The following CACNA1E variants were observed in gnomAD, a reference collection of about 807,000 sequenced individuals.
The protein encoded by CACNA1E is voltage-dependent R-type calcium channel subunit alpha-1E.
CACNA1E carries 40 observed loss-of-function variants against 259.2 expected under a neutral mutation model. The ratio of observed to expected loss-of-function variants is 0.15; its 90% CI spans 0.12 to 0.20. CACNA1E has a LOEUF of 0.20. Ranked by LOEUF, CACNA1E falls within the 10% of genes least tolerant of loss-of-function variation. CACNA1E has a pLI of 1.00. For synonymous variants in CACNA1E, 1,104 were observed against 1,138.5 expected (o/e 0.97, Z 0.61); for missense variants, 1,874 against 3,040.1 (o/e 0.62, Z 9.02).
At chr1:181,556,999 A>C (rs1648797086) in intron 3 of CACNA1E, among the ~76,000 whole-genome samples, 1 of 152,158 alleles carries the variant, frequency 6.6e-6, no homozygotes, top group Non-Finnish European at 1.5e-5. Context: ...AACATCGTGC[A>C]GTGTGGGAAA....
intron 1 of CACNA1E, among the ~76,000 whole-genome samples, chr1:181,490,928 G>A (rs1664266312): frequency 6.6e-6 from 1 of 152,148 alleles, no homozygotes; most frequent in Admixed American, 6.5e-5. Context: ...GACATCGTGC[G>A]TGGCCTTCTG....
At chr1:181,705,595 G>A (rs180784942) in intron 7 of CACNA1E, among the ~76,000 whole-genome samples, 146 of 152,284 alleles carry the variant, frequency 9.6e-4, no homozygotes, top group African/African-American at 3.2e-3. Flanking sequence ...TGCAAGAGCC[G>A]TATGTGAGGG....
intron 3 of CACNA1E, among the ~76,000 whole-genome samples, chr1:181,571,841 G>A (rs1650444193): frequency 6.6e-6 from 1 of 152,108 alleles, no homozygotes; most frequent in South Asian, 2.1e-4. Context: ...CCTTTCAGAA[G>A]AGAAATTGGA....
chr1:181,776,299 G>A lies in CACNA1E; in HGVS notation c.5267+71G>A, dbSNP rs926746512. The A allele has an allele frequency of 3.3e-6, 5 of 1,526,332 alleles. No homozygotes were observed. Among genetic ancestry groups the A allele is most frequent in the Admixed American group, 1.7e-5 (1 of 59,386 alleles). The allele number at this position is 1,526,332 out of a possible 1,614,324, so 94.5% of individuals were successfully genotyped here. On this transcript the variant is annotated intron_variant, in intron 38 of 47. Coordinates refer to ENST00000367573, the MANE Select transcript of CACNA1E (RefSeq NM_001205293.3). This position sits in a 1 kb window ranked among gnomAD's most constrained non-coding sequence, Gnocchi z 4.4. ...CTCTGGAGTTCCCAGGGAAGAGGCT[G>A]GAATTGGAGCCACCCAAATGCCTGC...
At chr1:181,463,824 AT>A (rs372841342) in intron 2 of CACNA1E, among the ~76,000 whole-genome samples, 6 of 151,958 alleles carry the variant, frequency 3.9e-5, no homozygotes, top group African/African-American at 4.8e-5. Context: ...ATGTATCTGC[AT>A]TTTTTTGATG....
chr1:181,318,123 G>C (rs1373224566), exon 1 of CACNA1E: 1 of 151,778 alleles, frequency 6.6e-6, no homozygotes, highest in Non-Finnish European at 1.5e-5. Context: ...ATTAATTCAA[G>C]GTAAGCCCCG....
At chr1:181,793,245 ACTTCC>A (rs1661486236) in intron 44 of CACNA1E, among the ~76,000 whole-genome samples, 1 of 152,220 alleles carries the variant, frequency 6.6e-6, no homozygotes, top group South Asian at 2.1e-4. Context: ...GAAATTGTTG[ACTTCC>A]CTTAGAAAAC....
intron 6 of CACNA1E, among the ~76,000 whole-genome samples, chr1:181,592,861 A>C (rs1029380170): frequency 1.3e-5 from 2 of 152,024 alleles, no homozygotes; most frequent in Admixed American, 1.3e-4. Flanking sequence ...TCCACCTTCG[A>C]CTTAGACCTT....
At position 181,742,981 on chromosome 1, in the gene CACNA1E, T is replaced by TA. The variant is rs528053472; in HGVS notation, c.3719+3736dup. On this transcript the variant is annotated intron_variant, in intron 25 of 47. Transcript: ENST00000367573. ...TTTTAAGTGTGGGCAGAGCAGTGGA[T>TA]AAAAAAAATAAATGGAAAGATACCC... Among the ~76,000 whole-genome samples the TA allele has an allele frequency of 2.7e-4, 41 of 152,110 alleles. 2 individuals carry two copies. The highest frequency in any genetic ancestry group is 1.3e-3 in the South Asian group (6 of 4,798).
chr1:181,751,425 A>G (rs1657584286), intron 26 of CACNA1E, among the ~76,000 whole-genome samples: 1 of 152,184 alleles, frequency 6.6e-6, no homozygotes, highest in East Asian at 1.9e-4. Flanking sequence ...CTAGGTGCAC[A>G]CCATCTGCAA....
intron 1 of CACNA1E, among the ~76,000 whole-genome samples, chr1:181,343,544 G>A (rs1165625627): frequency 6.6e-6 from 1 of 152,114 alleles, no homozygotes; most frequent in African/African-American, 2.4e-5. Context: ...GCAGATGCTG[G>A]TGGTATACCT....
At chr1:181,607,633 GTCTA>G (rs1654358774) in intron 6 of CACNA1E, among the ~76,000 whole-genome samples, 1 of 152,160 alleles carries the variant, frequency 6.6e-6, no homozygotes, top group Admixed American at 6.5e-5. Context: ...ATAATACCTT[GTCTA>G]TCTTTCAGGG....
rs188533521 is a variant in CACNA1E, at chr1:181,560,794, A to T, written c.513-16972A>T. ...AACAGATTTGTACACCCATGTTCAC[A>T]GCAGCATTATTCACAATAACCAAAA... On this transcript the variant is annotated intron_variant, in intron 3 of 47. Coordinates refer to ENST00000367573, the MANE Select transcript of CACNA1E (RefSeq NM_001205293.3). 7.9e-5 allele frequency among the ~76,000 whole-genome samples: 12 copies of T among 152,364 alleles called. No individual in the cohort carries two copies. The East Asian group carries it at 2.1e-3, about 27-fold the overall frequency.
chr1:181,518,918 G>T (rs966415589), intron 3 of CACNA1E, among the ~76,000 whole-genome samples: 2 of 152,180 alleles, frequency 1.3e-5, no homozygotes, highest in Non-Finnish European at 2.9e-5. Flanking sequence ...AGGGAGTGAA[G>T]AAAGCTTCGA....
intron 2 of CACNA1E, among the ~76,000 whole-genome samples, chr1:181,466,007 G>T (rs567303708): frequency 7.0e-6 from 1 of 143,732 alleles, no homozygotes; most frequent in East Asian, 2.0e-4. Flanking sequence ...TGTAAATTCA[G>T]CCCATAAATC....
chr1:181,457,086 T>G (rs1312779400), intron 2 of CACNA1E, among the ~76,000 whole-genome samples: 1 of 152,210 alleles, frequency 6.6e-6, no homozygotes, highest in African/African-American at 2.4e-5. Flanking sequence ...CAGAAATTTA[T>G]TTTTTATAGT....
chr1:181,576,881 C>T (rs767501802), intron 3 of CACNA1E, among the ~76,000 whole-genome samples: 13 of 152,308 alleles, frequency 8.5e-5, no homozygotes, highest in South Asian at 2.1e-4. Flanking sequence ...AACTAGACCA[C>T]GATACCCCCT....
At chr1:181,781,147 G>C (rs559442104) in intron 38 of CACNA1E, among the ~76,000 whole-genome samples, 343 of 152,294 alleles carry the variant, frequency 2.3e-3, no homozygotes, top group Non-Finnish European at 2.9e-3. Flanking sequence ...GTTGCCACCA[G>C]TTTTCCCGGG....
chr1:181,536,213 T>C (rs1221435383), intron 3 of CACNA1E, among the ~76,000 whole-genome samples: 2 of 152,194 alleles, frequency 1.3e-5, no homozygotes, highest in African/African-American at 4.8e-5. Flanking sequence ...CTCCACTTCT[T>C]AATTTTGCTT....
Sources: gnomAD v4.1 joint callset for allele counts (sites outside exome capture counted in the v4.1 genomes callset) on GRCh38, gnomAD v4.1.1 for gene constraint, Gnocchi (gnomAD v3.1) non-coding constraint, MANE v1.5 for transcripts, NCBI Gene and HGNC (gene_info 2026-07-23, HGNC 2026-07-21) for gene names.